LUZP2: variants seen among roughly 807,000 people sequenced by gnomAD.
LUZP2 encodes leucine zipper protein 2.
LUZP2 carries 52 observed loss-of-function variants against 51.6 expected under a neutral mutation model. The observed-to-expected ratio is 1.01, with a 90% CI of 0.81 to 1.27. The LOEUF is 1.27. Among genes scored for constraint, LUZP2 ranks in the 50% most tolerant of loss-of-function variants. LUZP2 has a pLI of 0.00. For missense variants in LUZP2, 436 were observed against 395.4 expected, an observed-to-expected ratio of 1.10 and a Z score of -0.87; for synonymous variants, 154 against 137.3, an observed-to-expected ratio of 1.12 and a Z score of -0.85.
rs899608231 is a variant in LUZP2, at chr11:24,538,114, G to A, written c.62+40809G>A. On this transcript the variant is annotated intron_variant, in intron 1 of 11. Coordinates refer to ENST00000336930, the MANE Select transcript of LUZP2 (RefSeq NM_001009909.4). ...AGATGTGAATAGGCAATTCATAGAC[G>A]AAGATATTAAAGCTGAAATCACATT... 4.0e-5 allele frequency among the ~76,000 whole-genome samples: 6 copies of A among 151,744 alleles called. No homozygotes were observed. In the South Asian group the frequency reaches 1.0e-3, roughly 26 times the overall value.
At chr11:24,921,585 G>T (rs1854057267) in intron 7 of LUZP2, among the ~76,000 whole-genome samples, 1 of 152,086 alleles carries the variant, frequency 6.6e-6, no homozygotes, top group Non-Finnish European at 1.5e-5. Context: ...TGTTAGAAAA[G>T]AAATGGTTTG....
At chr11:25,073,616 A>G (rs1859219145) in intron 10 of LUZP2, among the ~76,000 whole-genome samples, 1 of 151,294 alleles carries the variant, frequency 6.6e-6, no homozygotes, top group African/African-American at 2.4e-5. Flanking sequence ...TTTTAGCTTT[A>G]TTGTTAAAAA....
intron 1 of LUZP2, among the ~76,000 whole-genome samples, chr11:24,726,675 C>T (rs559071570): frequency 4.6e-5 from 7 of 151,742 alleles, no homozygotes; most frequent in Non-Finnish European, 8.8e-5. Context: ...TTGGAAACAC[C>T]GTAAATTATC....
chr11:24,558,993 A>G (rs1851953169), intron 1 of LUZP2, among the ~76,000 whole-genome samples: 1 of 152,156 alleles, frequency 6.6e-6, no homozygotes, highest in Non-Finnish European at 1.5e-5. Flanking sequence ...TTCTATCTGG[A>G]ATAAATTTTG....
intron 1 of LUZP2, among the ~76,000 whole-genome samples, chr11:24,566,854 A>G: frequency 7.4e-6 from 1 of 135,048 alleles, no homozygotes; most frequent in East Asian, 2.0e-4. Context: ...ATATATACAT[A>G]TATAATGTAT....
At chr11:24,716,941 T>C (rs921780674) in intron 1 of LUZP2, among the ~76,000 whole-genome samples, 2 of 151,894 alleles carry the variant, frequency 1.3e-5, no homozygotes, top group African/African-American at 4.8e-5. Flanking sequence ...CTAGAAAAAA[T>C]GAAGAAGTAC....
chr11:24,856,846 A>C (rs952667767), intron 5 of LUZP2, among the ~76,000 whole-genome samples: 1 of 152,128 alleles, frequency 6.6e-6, no homozygotes, highest in Non-Finnish European at 1.5e-5. Context: ...AGAAATAAAA[A>C]GTCAAATACT....
intron 9 of LUZP2, among the ~76,000 whole-genome samples, chr11:25,038,582 G>T (rs1857935697): frequency 6.6e-6 from 1 of 152,306 alleles, no homozygotes; most frequent in Admixed American, 6.5e-5. Flanking sequence ...CTTGAACTGA[G>T]TTTCGACTTT....
chr11:24,738,300 A>G lies in LUZP2; in HGVS notation c.331A>G (p.Thr111Ala). 3.1e-6 allele frequency: 5 copies of G among 1,610,486 alleles called. No individual in the cohort carries two copies. The highest frequency in any genetic ancestry group is 4.2e-6 in the Non-Finnish European group (5 of 1,177,366). Reference sequence around the variant, plus strand: ...AGAGAAAGCAGAAAAACACCAGGCTACTGTAAGTGTGTTTCTTCTTTGTGC... The same window carrying G: ...AGAGAAAGCAGAAAAACACCAGGCTGCTGTAAGTGTGTTTCTTCTTTGTGC... ...TSEKAEKHQATINFLKTEVER... is the reference protein window; with the variant it reads ...TSEKAEKHQAAINFLKTEVER... Residue 111 changes from threonine (T) to alanine (A), a missense_variant and splice_region_variant, in exon 4 of 12, where the codon ACT becomes GCT. Coordinates refer to ENST00000336930, the MANE Select transcript of LUZP2 (RefSeq NM_001009909.4).
intron 1 of LUZP2, among the ~76,000 whole-genome samples, chr11:24,682,586 ATGTG>A (rs748903860): frequency 3.1e-5 from 3 of 96,898 alleles, no homozygotes; most frequent in African/African-American, 7.3e-5. Context: ...ATATATATAT[ATGTG>A]TGTGTGTGTA....
chr11:25,034,754 C>T (rs1461567467), intron 9 of LUZP2, among the ~76,000 whole-genome samples: 2 of 151,944 alleles, frequency 1.3e-5, no homozygotes, highest in Non-Finnish European at 2.9e-5. Context: ...TATTTCTGAG[C>T]CTTCTATTCC....
chr11:24,647,971 C>T (rs1041302359), intron 1 of LUZP2, among the ~76,000 whole-genome samples: 2 of 151,834 alleles, frequency 1.3e-5, no homozygotes, highest in African/African-American at 4.8e-5. Flanking sequence ...GCCACCTGTA[C>T]TCTTTTCTAT....
At chr11:24,582,740 GTTTTGT>G (rs1173424485) in intron 1 of LUZP2, among the ~76,000 whole-genome samples, 3 of 151,972 alleles carry the variant, frequency 2.0e-5, no homozygotes, top group East Asian at 1.9e-4. Context: ...GGTTCCAGCG[GTTTTGT>G]TTTTGTTTTT....
rs576380787 is a variant in LUZP2 at position 25,012,077 on chromosome 11, G to T, written c.765+28784G>T. Among the ~76,000 whole-genome samples, 3 of 152,082 alleles carry T rather than the reference G, an allele frequency of 2.0e-5. No individual in the cohort carries two copies. The South Asian group carries it at 6.2e-4, about 32-fold the overall frequency. ...AAAACACATACACTTATTTTTGTTG[G>T]TTAGCAATGTGTTTCCTATTATTAT... On this transcript the variant is annotated intron_variant, in intron 9 of 11. Transcript: ENST00000336930.
intron 1 of LUZP2, among the ~76,000 whole-genome samples, chr11:24,699,332 T>C (rs1337246886): frequency 6.6e-6 from 1 of 152,154 alleles, no homozygotes; most frequent in Non-Finnish European, 1.5e-5. Flanking sequence ...AACAAATTTT[T>C]GGTGCAAAAA....
At chr11:24,548,249 G>T (rs1241279945) in intron 1 of LUZP2, among the ~76,000 whole-genome samples, 1 of 151,968 alleles carries the variant, frequency 6.6e-6, no homozygotes, top group Non-Finnish European at 1.5e-5. Flanking sequence ...ACACAGACAT[G>T]CATATGTTCA....
At chr11:24,603,719 T>A (rs1853820105) in intron 1 of LUZP2, among the ~76,000 whole-genome samples, 1 of 151,356 alleles carries the variant, frequency 6.6e-6, no homozygotes. Context: ...TACAAAATAA[T>A]TTATTAGCAG....
intron 1 of LUZP2, among the ~76,000 whole-genome samples, chr11:24,632,302 G>T (rs1195759035): frequency 6.6e-6 from 1 of 151,960 alleles, no homozygotes; most frequent in Non-Finnish European, 1.5e-5. Flanking sequence ...TGATAGCATT[G>T]TGAAAGAGCT....
intron 1 of LUZP2, among the ~76,000 whole-genome samples, chr11:24,625,796 T>C (rs1854657514): frequency 6.6e-6 from 1 of 152,012 alleles, no homozygotes; most frequent in South Asian, 2.1e-4. Context: ...ACAAAAGGCA[T>C]TGATAAAGAA....
Sources: gnomAD v4.1 joint callset for allele counts (sites outside exome capture counted in the v4.1 genomes callset) on GRCh38, gnomAD v4.1.1 for gene constraint, MANE v1.5 for transcripts, NCBI Gene and HGNC (gene_info 2026-07-23, HGNC 2026-07-21) for gene names.